CDH9: variants seen among roughly 807,000 people sequenced by gnomAD.
The protein encoded by CDH9 is cadherin-9.
In CDH9, 28 loss-of-function variants were observed where a neutral mutation model predicts 70.9. The ratio of observed to expected loss-of-function variants is 0.40; its 90% confidence interval spans 0.29 to 0.54. The LOEUF (loss-of-function observed/expected upper bound fraction) is 0.54, where lower values mean the gene tolerates loss of function less well. Among genes scored for constraint, CDH9 ranks in the 20% least tolerant of loss-of-function variants. CDH9 has a pLI of 0.59. For synonymous variants in CDH9, 409 were observed against 343.1 expected, an observed-to-expected ratio of 1.19 and a Z score of -2.12; for missense variants, 874 against 984.4, an observed-to-expected ratio of 0.89 and a Z score of 1.50.
intron 2 of CDH9, among the ~76,000 whole-genome samples, chr5:26,937,792 G>A (rs1479816523): frequency 6.6e-6 from 1 of 152,060 alleles, no homozygotes; most frequent in Non-Finnish European, 1.5e-5. Flanking sequence ...CAAGTACAAT[G>A]TTCAGTGATT....
At chr5:27,010,708 T>G (rs1428257247) in intron 1 of CDH9, among the ~76,000 whole-genome samples, 1 of 152,144 alleles carries the variant, frequency 6.6e-6, no homozygotes, top group Non-Finnish European at 1.5e-5. Context: ...CTTTCTTCAC[T>G]GCTGGATGGC....
At chr5:26,961,556 T>G (rs926606165) in intron 2 of CDH9, among the ~76,000 whole-genome samples, 2 of 152,136 alleles carry the variant, frequency 1.3e-5, no homozygotes, top group Non-Finnish European at 2.9e-5. Context: ...CTTCATTAGC[T>G]AAACAAGCAC....
At chr5:26,885,519 A>G in intron 11 of CDH9, 95 bp downstream of exon 11, 1 of 1,005,666 alleles carries the variant, frequency 9.9e-7, no homozygotes, top group South Asian at 1.5e-5. Flanking sequence ...TTCTATCTTT[A>G]TCTATAGAGA....
chr5:26,960,765 A>C (rs1483572064), intron 2 of CDH9, among the ~76,000 whole-genome samples: 1 of 151,600 alleles, frequency 6.6e-6, no homozygotes, highest in Admixed American at 6.6e-5. Flanking sequence ...AATTATAAAA[A>C]TAAATTAGGT....
intron 2 of CDH9, among the ~76,000 whole-genome samples, chr5:26,945,928 G>A (rs199934895): frequency 6.6e-6 from 1 of 152,070 alleles, no homozygotes; most frequent in East Asian, 1.9e-4. Flanking sequence ...GGTGACTTTG[G>A]TATAATCTCC....
chr5:26,946,875 T>C (rs141768595), intron 2 of CDH9, among the ~76,000 whole-genome samples: 1 of 152,176 alleles, frequency 6.6e-6, no homozygotes, highest in Non-Finnish European at 1.5e-5. Context: ...TATCAAGCAG[T>C]GAGAAAACTC....
intron 2 of CDH9, among the ~76,000 whole-genome samples, chr5:26,941,393 T>C (rs12332649): frequency 0.12 from 18,238 of 152,232 alleles, 3,652 homozygotes; most frequent in African/African-American, 0.42. Flanking sequence ...TTGTTTTGTA[T>C]GCCCCTTCGG....
rs142552494 is a variant in CDH9 at position 26,903,185 on chromosome 5, G to C, written c.999+452C>G. ...GGACAATATGAAATGATAATATTGA[G>C]CTCTATTATTAGATGTAAAGATTAA... On this transcript the variant is annotated intron_variant, in intron 6 of 11. Transcript: ENST00000231021. 513 of 252,120 alleles carry C rather than the reference G, an allele frequency of 2.0e-3. 1 individual carries two copies. The highest frequency in any genetic ancestry group is 0.01 in the African/African-American group (445 of 42,428). 15.6% of individuals were successfully genotyped at this position (252,120 alleles called of 1,614,324 possible). A position where few individuals can be genotyped will look rare whatever the true frequency, so the allele number is the denominator to read the frequency against.
At chr5:26,935,700 C>A (rs919925746) in intron 2 of CDH9, among the ~76,000 whole-genome samples, 1 of 152,056 alleles carries the variant, frequency 6.6e-6, no homozygotes, top group East Asian at 1.9e-4. Context: ...GTATGAAGAT[C>A]CCTTAAAGAA....
At chr5:27,032,824 A>G (rs1263724545) in intron 1 of CDH9, among the ~76,000 whole-genome samples, 1 of 151,444 alleles carries the variant, frequency 6.6e-6, no homozygotes. Flanking sequence ...CTCGGGGAAA[A>G]TAGTCAACTA....
At chr5:26,957,937 A>G (rs541986878) in intron 2 of CDH9, among the ~76,000 whole-genome samples, 2 of 152,320 alleles carry the variant, frequency 1.3e-5, no homozygotes, top group East Asian at 3.9e-4. Context: ...TGAAGCAAAC[A>G]AAGTTAGTCT....
chr5:26,964,833 G>A (rs1452887511), intron 2 of CDH9, among the ~76,000 whole-genome samples: 2 of 128,122 alleles, frequency 1.6e-5, no homozygotes, highest in Non-Finnish European at 3.1e-5. Flanking sequence ...CCCTCCCTGT[G>A]TCCATGTGTT....
intron 9 of CDH9, 121 bp from the exon 10 acceptor site, chr5:26,886,204 A>C (rs1484915011): frequency 8.4e-7 from 1 of 1,186,902 alleles, no homozygotes; most frequent in East Asian, 2.7e-5. Context: ...CAAGAAAACA[A>C]AATAAATGCC....
intron 2 of CDH9, among the ~76,000 whole-genome samples, chr5:26,929,048 A>C (rs931939828): frequency 6.6e-6 from 1 of 152,074 alleles, no homozygotes; most frequent in East Asian, 1.9e-4. Flanking sequence ...CAACAAAGCA[A>C]AGAGACAACC....
rs928361733 is a variant in CDH9, at chr5:26,977,771, T to G, written c.228+10335A>C. On this transcript the variant is annotated intron_variant, in intron 2 of 11. Transcript: ENST00000231021. ...ACATGCATGACACCTAAACTGAACA[T>G]GTACACAGTAAGACACAAGTAAGAA... is the stretch of plus-strand genomic sequence containing the variant. Among the ~76,000 whole-genome samples, 9 of 152,160 alleles carry G rather than the reference T, an allele frequency of 5.9e-5. No individual in the cohort carries two copies. In the South Asian group the frequency reaches 1.0e-3, roughly 18 times the overall value.
intron 1 of CDH9, among the ~76,000 whole-genome samples, chr5:27,017,961 T>A (rs541532765): frequency 6.6e-6 from 1 of 152,104 alleles, no homozygotes; most frequent in Admixed American, 6.6e-5. Context: ...AAAATTATGT[T>A]GACAATTTTT....
chr5:26,962,599 G>A (rs1225344235), intron 2 of CDH9, among the ~76,000 whole-genome samples: 2 of 151,980 alleles, frequency 1.3e-5, no homozygotes, highest in Non-Finnish European at 2.9e-5. Flanking sequence ...TTGTAAGTTT[G>A]TTGGCTGCAT....
rs775423954 is a variant in CDH9, at chr5:26,977,485, GTATA to G, written c.228+10617_228+10620del. 1.9e-3 allele frequency among the ~76,000 whole-genome samples: 131 copies of G among 68,818 alleles called. 1 individual carries two copies. In the South Asian group the frequency reaches 0.027, roughly 14 times the overall value. 45.1% of individuals were successfully genotyped at this position (68,818 alleles called of 152,430 possible). ...TATATATGTGTGCGTGTGTGTGTGT[GTATA>G]TATATATATATATATATATGGCACT... On this transcript the variant is annotated intron_variant, in intron 2 of 11. Transcript: ENST00000231021.
At chr5:27,005,706 A>T (rs1303488851) in intron 1 of CDH9, among the ~76,000 whole-genome samples, 5 of 152,160 alleles carry the variant, frequency 3.3e-5, no homozygotes, top group Non-Finnish European at 5.9e-5. Context: ...CCACAAAGAC[A>T]CATGTATGTG....
Sources: allele counts gnomAD v4.1 joint callset (sites outside exome capture counted in the v4.1 genomes callset), GRCh38; gene constraint gnomAD v4.1.1; transcripts MANE v1.5; gene names NCBI Gene and HGNC (gene_info 2026-07-23, HGNC 2026-07-21).